GRID2: variants seen among roughly 807,000 people sequenced by gnomAD.
GRID2 encodes glutamate receptor ionotropic, delta-2.
A neutral mutation model predicts 114.8 loss-of-function variants in GRID2; 33 were observed. That is an observed-to-expected ratio of 0.29 (90% confidence interval 0.22 to 0.38). GRID2 has a LOEUF of 0.38. Ranked by LOEUF, GRID2 falls within the 10% of genes least tolerant of loss-of-function variation. GRID2 has a pLI of 1.00. For synonymous variants in GRID2, 505 were observed against 449.9 expected (o/e 1.12, Z -1.55); for missense variants, 1,184 against 1,257.7 (o/e 0.94, Z 0.89).
At chr4:93,360,256 G>A (rs1254395470) in intron 8 of GRID2, among the ~76,000 whole-genome samples, 3 of 151,506 alleles carry the variant, frequency 2.0e-5, no homozygotes, top group African/African-American at 4.8e-5. Flanking sequence ...TTTTTCTAAT[G>A]TATTCATTTC....
chr4:93,255,053 A>T (rs1382417328), intron 8 of GRID2, among the ~76,000 whole-genome samples: 1 of 152,158 alleles, frequency 6.6e-6, no homozygotes, highest in Non-Finnish European at 1.5e-5. Flanking sequence ...ATTATACAAT[A>T]GTCTCTTCCA....
intron 11 of GRID2, among the ~76,000 whole-genome samples, chr4:93,486,247 A>G (rs1371031258): frequency 6.6e-6 from 1 of 151,638 alleles, no homozygotes; most frequent in East Asian, 1.9e-4. Flanking sequence ...TTAGTAATTT[A>G]TCCTTTGTTC....
intron 2 of GRID2, among the ~76,000 whole-genome samples, chr4:92,620,167 G>A (rs934772471): frequency 1.3e-5 from 2 of 151,798 alleles, no homozygotes; most frequent in South Asian, 2.1e-4. Flanking sequence ...TTTTGAATGT[G>A]AAACTAAGGT....
At chr4:92,912,367 C>A (rs1017574750) in intron 2 of GRID2, among the ~76,000 whole-genome samples, 1 of 151,742 alleles carries the variant, frequency 6.6e-6, no homozygotes, top group Non-Finnish European at 1.5e-5. Context: ...TAAGGTATTA[C>A]ATTAGAGATA....
intron 1 of GRID2, among the ~76,000 whole-genome samples, chr4:92,466,966 C>T (rs1028951428): frequency 6.6e-5 from 10 of 151,664 alleles, no homozygotes; most frequent in Non-Finnish European, 1.5e-4. Context: ...TGTAGAGAGA[C>T]TCAATTTGTT....
intron 4 of GRID2, among the ~76,000 whole-genome samples, chr4:93,167,256 C>T (rs986240846): frequency 1.3e-5 from 2 of 152,104 alleles, no homozygotes; most frequent in African/African-American, 2.4e-5. Flanking sequence ...ACTCTAGAGG[C>T]ACCCCATTCC....
At chr4:92,985,584 T>A (rs2149194939) in intron 2 of GRID2, among the ~76,000 whole-genome samples, 1 of 152,254 alleles carries the variant, frequency 6.6e-6, no homozygotes, top group Non-Finnish European at 1.5e-5. Flanking sequence ...GTCAACGTTC[T>A]TCTCTCCCCT....
At chr4:92,331,666 G>T (rs1045826280) in intron 1 of GRID2, among the ~76,000 whole-genome samples, 1 of 152,152 alleles carries the variant, frequency 6.6e-6, no homozygotes, top group South Asian at 2.1e-4. Context: ...AATTGCTACT[G>T]TTTAGAGAGC....
chr4:93,732,680 C>A (rs1472254815), intron 14 of GRID2, among the ~76,000 whole-genome samples: 3 of 151,936 alleles, frequency 2.0e-5, no homozygotes, highest in Non-Finnish European at 4.4e-5. Flanking sequence ...GCATTCTGAC[C>A]GCTGCTGTCA....
chr4:92,473,964 TTGTG>T (rs59328379), intron 1 of GRID2, among the ~76,000 whole-genome samples: 60,633 of 144,218 alleles, frequency 0.42, 13,203 homozygotes, highest in East Asian at 0.66. Flanking sequence ...GTTATCTTGG[TTGTG>T]TGTGTGTGTG....
At chr4:93,487,548 C>T (rs964916542) in intron 11 of GRID2, among the ~76,000 whole-genome samples, 1 of 151,810 alleles carries the variant, frequency 6.6e-6, no homozygotes, top group African/African-American at 2.4e-5. Context: ...TTCATTTATG[C>T]TCATTTGGGG....
chr4:92,439,080 C>G (rs560604295), intron 1 of GRID2, among the ~76,000 whole-genome samples: 33 of 150,292 alleles, frequency 2.2e-4, no homozygotes, highest in African/African-American at 6.9e-4. Flanking sequence ...AGGGTGGGGC[C>G]GTTTTACAGG....
chr4:92,690,914 T>G (rs1428160864), intron 2 of GRID2, among the ~76,000 whole-genome samples: 1 of 152,196 alleles, frequency 6.6e-6, no homozygotes, highest in Non-Finnish European at 1.5e-5. Context: ...TTATTGTGTT[T>G]TCAGCCTTGT....
At chr4:92,539,054 A>T (rs969636273) in intron 1 of GRID2, among the ~76,000 whole-genome samples, 2 of 133,302 alleles carry the variant, frequency 1.5e-5, no homozygotes, top group Non-Finnish European at 3.2e-5. Context: ...AAAAAAAAAA[A>T]AAAAGTGTCT....
chr4:93,163,404 T>C (rs1737941387), intron 4 of GRID2, among the ~76,000 whole-genome samples: 1 of 120,648 alleles, frequency 8.3e-6, no homozygotes, highest in African/African-American at 3.8e-5. Flanking sequence ...ATATATACAC[T>C]ATATATATAC....
At chr4:92,793,534 T>G (rs1469746422) in intron 2 of GRID2, among the ~76,000 whole-genome samples, 2 of 150,812 alleles carry the variant, frequency 1.3e-5, no homozygotes, top group African/African-American at 4.9e-5. Flanking sequence ...CTTTTACCCC[T>G]GAACATAAAA....
intron 1 of GRID2, among the ~76,000 whole-genome samples, chr4:92,362,851 T>G (rs962203236): frequency 1.3e-5 from 2 of 152,016 alleles, no homozygotes; most frequent in African/African-American, 4.8e-5. Context: ...GTATATATTA[T>G]TTTTTACGTC....
intron 1 of GRID2, among the ~76,000 whole-genome samples, chr4:92,543,693 A>T (rs2149165298): frequency 6.6e-6 from 1 of 152,326 alleles, no homozygotes; most frequent in East Asian, 1.9e-4. Flanking sequence ...GAATTAGCAC[A>T]AAAAAGTAAT....
At chr4:92,340,708 T>C (rs1025643046) in intron 1 of GRID2, among the ~76,000 whole-genome samples, 2 of 152,226 alleles carry the variant, frequency 1.3e-5, no homozygotes, top group African/African-American at 4.8e-5. Flanking sequence ...GCATTTACTA[T>C]ATTGAATTAT....
Sources: gnomAD v4.1 joint callset for allele counts (sites outside exome capture counted in the v4.1 genomes callset) on GRCh38, gnomAD v4.1.1 for gene constraint, MANE v1.5 for transcripts, NCBI Gene and HGNC (gene_info 2026-07-23, HGNC 2026-07-21) for gene names.